The following NOL4 variants were observed in gnomAD, a reference collection of about 807,000 sequenced individuals.
NOL4 encodes the protein cancer/testis antigen 125.
A neutral mutation model predicts 75.9 loss-of-function variants in NOL4; 17 were observed. The ratio of observed to expected loss-of-function variants is 0.22; its 90% CI spans 0.15 to 0.34. NOL4 has a LOEUF of 0.34. Among genes scored for constraint, NOL4 ranks in the 10% least tolerant of loss-of-function variants. The pLI is 1.00. For synonymous variants in NOL4, 292 were observed against 289.9 expected (o/e 1.01, Z -0.07); for missense variants, 614 against 793.5 (o/e 0.77, Z 2.72).
chr18:34,049,471 A>G (rs1025059453), intron 5 of NOL4, among the ~76,000 whole-genome samples: 4 of 152,100 alleles, frequency 2.6e-5, no homozygotes, highest in Non-Finnish European at 4.4e-5. Context: ...AACATTGAAC[A>G]TTCATTTTTC....
At chr18:34,050,049 G>A (rs1771556612) in intron 5 of NOL4, among the ~76,000 whole-genome samples, 1 of 152,040 alleles carries the variant, frequency 6.6e-6, no homozygotes, top group Admixed American at 6.6e-5. Context: ...ATTTTGATTT[G>A]TATTTGTTAT....
intron 1 of NOL4, among the ~76,000 whole-genome samples, chr18:34,195,182 T>C (rs571534747): frequency 6.6e-6 from 1 of 152,310 alleles, no homozygotes; most frequent in South Asian, 2.1e-4. Context: ...AAAAGGATTT[T>C]CAAATGAATT....
intron 9 of NOL4, among the ~76,000 whole-genome samples, chr18:33,920,644 T>C (rs573694295): frequency 6.6e-6 from 1 of 152,324 alleles, no homozygotes; most frequent in East Asian, 1.9e-4. Context: ...ATGTGATTTA[T>C]GGGTCCAATC....
intron 10 of NOL4, among the ~76,000 whole-genome samples, chr18:33,861,501 T>G (rs975750206): frequency 1.3e-5 from 2 of 152,184 alleles, no homozygotes; most frequent in Non-Finnish European, 2.9e-5. Context: ...CATTTTTTAT[T>G]GTGTCTATTT....
intron 1 of NOL4, among the ~76,000 whole-genome samples, chr18:34,142,101 C>T (rs954556031): frequency 5.8e-4 from 89 of 152,154 alleles, no homozygotes; most frequent in Non-Finnish European, 1.0e-3. Flanking sequence ...CACTGGCCAT[C>T]AGAGAAATGC....
At chr18:33,935,579 T>G (rs1414772419) in intron 9 of NOL4, among the ~76,000 whole-genome samples, 1 of 152,060 alleles carries the variant, frequency 6.6e-6, no homozygotes, top group Non-Finnish European at 1.5e-5. Flanking sequence ...ATAGCAGATA[T>G]AATCATGATG....
intron 8 of NOL4, among the ~76,000 whole-genome samples, chr18:33,948,892 A>G (rs2069016139): frequency 6.6e-6 from 1 of 152,046 alleles, no homozygotes; most frequent in Non-Finnish European, 1.5e-5. Flanking sequence ...CATTATTAAG[A>G]GTGTGTTTAG....
At chr18:34,212,465 A>G (rs1454786119) in intron 1 of NOL4, among the ~76,000 whole-genome samples, 1 of 152,262 alleles carries the variant, frequency 6.6e-6, no homozygotes, top group Non-Finnish European at 1.5e-5. Flanking sequence ...GGTAAATTTT[A>G]CATTAAAGAA....
chr18:34,223,289 G>C lies in NOL4; in HGVS notation c.-36C>G, dbSNP rs1046217310. 3.7e-6 allele frequency: 6 copies of C among 1,605,624 alleles called. No individual in the cohort carries two copies. Among genetic ancestry groups the C allele is most frequent in the Non-Finnish European group, 5.1e-6 (6 of 1,177,648 alleles). ...CTCGGCCGCTGGCCGGATGCTCCCAGCGCACTTCGCACCTGTTCACCCTAG... is the reference window on the plus strand; with the variant it reads ...CTCGGCCGCTGGCCGGATGCTCCCACCGCACTTCGCACCTGTTCACCCTAG... On this transcript the variant is annotated 5_prime_UTR_variant, in exon 1 of 11. Transcript: ENST00000261592.
At chr18:33,985,770 T>A (rs2072390470) in intron 6 of NOL4, among the ~76,000 whole-genome samples, 1 of 152,100 alleles carries the variant, frequency 6.6e-6, no homozygotes, top group Admixed American at 6.6e-5. Context: ...TCTATCTTTG[T>A]TGTATGTTGG....
chr18:33,857,944 T>C (rs1192697034), intron 10 of NOL4, among the ~76,000 whole-genome samples: 1 of 152,234 alleles, frequency 6.6e-6, no homozygotes, highest in East Asian at 1.9e-4. Flanking sequence ...TTCTCACCTA[T>C]AGGTGTTCCA....
intron 9 of NOL4, among the ~76,000 whole-genome samples, chr18:33,910,087 T>C (rs2066304509): frequency 6.6e-6 from 1 of 152,224 alleles, no homozygotes; most frequent in Admixed American, 6.5e-5. Context: ...AAAACTTTCT[T>C]TGTATCCAAA....
chr18:34,118,488 A>G (rs1042028387), intron 2 of NOL4, among the ~76,000 whole-genome samples: 5 of 152,204 alleles, frequency 3.3e-5, no homozygotes, highest in African/African-American at 1.2e-4. Context: ...AAATGTTATT[A>G]AAAGCCTGTG....
intron 6 of NOL4, among the ~76,000 whole-genome samples, chr18:33,991,841 C>G (rs1361034795): frequency 1.3e-5 from 2 of 152,056 alleles, no homozygotes; most frequent in Non-Finnish European, 2.9e-5. Flanking sequence ...GCAAACCTTT[C>G]TATCGAACAG....
At chr18:33,896,556 G>T (rs1426543170) in intron 9 of NOL4, among the ~76,000 whole-genome samples, 2 of 152,144 alleles carry the variant, frequency 1.3e-5, no homozygotes, top group African/African-American at 4.8e-5. Flanking sequence ...AATAAATGAT[G>T]CTGGGATAAT....
At chr18:33,884,139 A>C (rs570087226) in intron 9 of NOL4, among the ~76,000 whole-genome samples, 5 of 152,138 alleles carry the variant, frequency 3.3e-5, no homozygotes, top group African/African-American at 4.8e-5. Context: ...TAGGCTTTAA[A>C]AATTAAATGA....
chr18:33,991,659 G>A (rs1021532723), intron 6 of NOL4, among the ~76,000 whole-genome samples: 3 of 151,820 alleles, frequency 2.0e-5, no homozygotes, highest in African/African-American at 7.3e-5. Context: ...TAGCCCTGTG[G>A]CTCCCATATA....
At chr18:33,983,313 C>T (rs1210409762) in intron 6 of NOL4, among the ~76,000 whole-genome samples, 3 of 151,934 alleles carry the variant, frequency 2.0e-5, no homozygotes, top group African/African-American at 7.3e-5. Context: ...GAGCATGAAC[C>T]CTAATGTGAA....
chr18:34,047,042 T>A lies in NOL4; in HGVS notation c.773-27441A>T, dbSNP rs144066210. On this transcript the variant is annotated intron_variant, in intron 5 of 10. Coordinates refer to ENST00000261592, the MANE Select transcript of NOL4 (RefSeq NM_003787.5). The stretch of plus-strand genomic sequence containing the variant: ...TTCTGCATAGTTACAACCCAAATGC[T>A]ATTAAGCAAAGTATAACCCTTCTAG... Among the ~76,000 whole-genome samples the A allele has an allele frequency of 9.6e-3, 1,456 of 152,258 alleles. 13 individuals carry two copies. The highest frequency in any genetic ancestry group is 0.017 in the Admixed American group (263 of 15,268).
Sources: gnomAD v4.1 joint callset for allele counts (sites outside exome capture counted in the v4.1 genomes callset) on GRCh38, gnomAD v4.1.1 for gene constraint, MANE v1.5 for transcripts, NCBI Gene and HGNC (gene_info 2026-07-23, HGNC 2026-07-21) for gene names.